Variants in SEH1L observed in about 807,000 individuals in gnomAD.
The protein encoded by SEH1L is SEH1 like nucleoporin.
SEH1L carries 18 observed loss-of-function variants against 49.5 expected under a neutral mutation model. That is an observed-to-expected ratio of 0.36 (90% CI 0.25 to 0.54). SEH1L has a LOEUF of 0.54. SEH1L is among the 20% of genes least tolerant of loss of function. SEH1L has a pLI of 0.87. For synonymous variants in SEH1L, 169 were observed against 178.1 expected (o/e 0.95, Z 0.41); for missense variants, 404 against 528.8 (o/e 0.76, Z 2.31).
intron 8 of SEH1L, 186 bp from the exon 9 acceptor site, chr18:12,986,676 T>A (rs2032469519): frequency 1.6e-6 from 2 of 1,234,220 alleles, no homozygotes; most frequent in Non-Finnish European, 1.0e-6. Flanking sequence ...TGAGTAAGGG[T>A]CTTGATTTGT....
chr18:12,952,784 C>CTTTTTTTT (rs1259704216), intron 2 of SEH1L, among the ~76,000 whole-genome samples: 1 of 94,524 alleles, frequency 1.1e-5, no homozygotes, highest in African/African-American at 3.7e-5. Flanking sequence ...CTCTTCTTTT[C>CTTTTTTTT]TTTTTTTTTT....
Position 12,986,879 on chromosome 18 carries a change from T to C in SEH1L, c.1088T>C (p.Leu363Pro), listed in dbSNP as rs2032483142. 5 of 1,598,674 alleles carry C rather than the reference T, an allele frequency of 3.1e-6. No homozygotes were observed. The highest frequency in any genetic ancestry group is 4.3e-6 in the Non-Finnish European group (5 of 1,170,546). The change falls in exon 9 of 9, where the codon CTG becomes CCG. Residue 363 changes from leucine to proline, a missense_variant. By Grantham distance (98) the Leu-to-Pro change is moderately conservative. Coordinates refer to ENST00000399892, the MANE Select transcript of SEH1L (RefSeq NM_001013437.2). Reference sequence around the variant, plus strand: ...TGTTTCAGGTATTTCTTTACCCCTCTGGATTCCCCACGGGCTGGATCGAGA... The same window carrying C: ...TGTTTCAGGTATTTCTTTACCCCTCCGGATTCCCCACGGGCTGGATCGAGA... The part of the protein sequence containing the change: ...SSAGRYFFTP[L>P]DSPRAGSRWS...
chr18:12,956,454 CAAAAA>C (rs10541594), intron 3 of SEH1L, among the ~76,000 whole-genome samples: 1 of 138,458 alleles, frequency 7.2e-6, no homozygotes, highest in Non-Finnish European at 1.6e-5. Flanking sequence ...TCTGGGGAAT[CAAAAA>C]AAAAAAAAGA....
chr18:12,976,479 C>G (rs1479720668), intron 5 of SEH1L: 3 of 152,262 alleles, frequency 2.0e-5, no homozygotes, highest in East Asian at 3.9e-4. Context: ...GGTGTTCCTC[C>G]CACTTTACGG....
intron 1 of SEH1L, among the ~76,000 whole-genome samples, chr18:12,950,771 T>C (rs184788260): frequency 6.6e-6 from 1 of 152,308 alleles, no homozygotes; most frequent in African/African-American, 2.4e-5. Context: ...TTTTAACAGG[T>C]GAAATTGGCA....
chr18:12,949,018 CT>C (rs1345283216), intron 1 of SEH1L, among the ~76,000 whole-genome samples: 248 of 142,796 alleles, frequency 1.7e-3, no homozygotes, highest in Middle Eastern at 3.6e-3. Context: ...CCCGGCTAAT[CT>C]TTTTTTTTTT....
At chr18:12,960,630 G>T (rs1191801728) in intron 3 of SEH1L, among the ~76,000 whole-genome samples, 1 of 152,162 alleles carries the variant, frequency 6.6e-6, no homozygotes, top group Non-Finnish European at 1.5e-5. Flanking sequence ...CTGCTTATGG[G>T]GAGGAAGGAA....
intron 8 of SEH1L, chr18:12,986,426 A>G (rs2032459290): frequency 1.0e-6 from 1 of 985,982 alleles, no homozygotes; most frequent in South Asian, 4.7e-5. Flanking sequence ...AGTATCATGT[A>G]CGCACTAAAA....
chr18:12,951,261 T>G (rs1470259648), intron 1 of SEH1L, among the ~76,000 whole-genome samples: 3 of 152,216 alleles, frequency 2.0e-5, no homozygotes, highest in South Asian at 4.1e-4. Flanking sequence ...ATTTGTTCTT[T>G]CTGTTGGTGA....
At chr18:12,980,593 G>A (rs1384426844) in intron 6 of SEH1L, among the ~76,000 whole-genome samples, 2 of 125,458 alleles carry the variant, frequency 1.6e-5, no homozygotes, top group African/African-American at 3.0e-5. Context: ...CCTCCCGGAC[G>A]GGGCAGCTGG....
At chr18:12,986,018 T>C (rs1308363235) in intron 8 of SEH1L, 3 of 935,040 alleles carry the variant, frequency 3.2e-6, no homozygotes, top group Non-Finnish European at 3.8e-6. Context: ...TATGGTGTTA[T>C]TTATTCCATG....
chr18:12,951,574 A>G (rs1334065492), intron 1 of SEH1L, among the ~76,000 whole-genome samples: 2 of 152,206 alleles, frequency 1.3e-5, no homozygotes, highest in African/African-American at 2.4e-5. Context: ...TATTTTTAGT[A>G]GAGACGGGGT....
Position 12,987,138 on chromosome 18 carries a change from C to A in SEH1L, c.*81C>A, listed in dbSNP as rs2032496795. 9.3e-7 allele frequency: 1 copy of A among 1,071,180 alleles called. No individual in the cohort carries two copies. Among genetic ancestry groups the A allele is most frequent in the African/African-American group, 1.6e-5 (1 of 62,322 alleles). 66.4% of individuals were successfully genotyped at this position (1,071,180 alleles called of 1,614,324 possible). A position where few individuals can be genotyped will look rare whatever the true frequency, so the allele number is the denominator to read the frequency against. ...CTGGCTGCTTTTTGTTTTTCATTTT[C>A]TTTCAGAAGATTTTTCTAACTTAGG... On this transcript the variant is annotated 3_prime_UTR_variant, in exon 9 of 9. Coordinates refer to ENST00000399892, the MANE Select transcript of SEH1L (RefSeq NM_001013437.2).
chr18:12,985,978 A>G, intron 8 of SEH1L: 3 of 899,056 alleles, frequency 3.3e-6, no homozygotes, highest in Non-Finnish European at 4.0e-6. Flanking sequence ...CTAAAGAGAT[A>G]AATGTTTCTT....
intron 8 of SEH1L, chr18:12,985,957 AT>A: frequency 1.1e-6 from 1 of 898,868 alleles, no homozygotes; most frequent in Non-Finnish European, 1.3e-6. Flanking sequence ...TAAGTTTTTA[AT>A]TCATAGTCAC....
intron 5 of SEH1L, 88 bp from the exon 6 acceptor site, chr18:12,978,664 C>T: frequency 2.8e-6 from 3 of 1,052,916 alleles, no homozygotes; most frequent in Non-Finnish European, 4.2e-6. Flanking sequence ...TGATTGTGAG[C>T]AGTGTGAAAA....
chr18:12,952,784 C>CTTT (rs1259704216), intron 2 of SEH1L, among the ~76,000 whole-genome samples: 5 of 94,520 alleles, frequency 5.3e-5, no homozygotes, highest in Admixed American at 3.7e-4. Context: ...CTCTTCTTTT[C>CTTT]TTTTTTTTTT....
chr18:12,976,481 ACTTTACG>A (rs1183648978), intron 5 of SEH1L: 3 of 152,240 alleles, frequency 2.0e-5, no homozygotes, highest in East Asian at 3.9e-4. Flanking sequence ...TGTTCCTCCC[ACTTTACG>A]GAGAACTTGC....
At chr18:12,957,525 C>T in intron 3 of SEH1L, among the ~76,000 whole-genome samples, 1 of 152,162 alleles carries the variant, frequency 6.6e-6, no homozygotes, top group East Asian at 1.9e-4. Context: ...ATAATATAAT[C>T]TGTGTGCTGT....
Sources: gnomAD v4.1 joint callset for allele counts (sites outside exome capture counted in the v4.1 genomes callset) on GRCh38, gnomAD v4.1.1 for gene constraint, MANE v1.5 for transcripts, NCBI Gene and HGNC (gene_info 2026-07-23, HGNC 2026-07-21) for gene names.